The following LOC128462377 variants were observed in gnomAD, a reference collection of about 807,000 sequenced individuals.
the LOC128462377 span, among the ~76,000 whole-genome samples, chr16:89,404,886 G>A: frequency 6.6e-6 from 1 of 152,210 alleles, no homozygotes; most frequent in Non-Finnish European, 1.5e-5. Flanking sequence ...ACTCTTGCTT[G>A]GTTGATGTTC....
At chr16:89,344,735 G>A in the LOC128462377 span, among the ~76,000 whole-genome samples, 1 of 147,642 alleles carries the variant, frequency 6.8e-6, no homozygotes, top group Non-Finnish European at 1.5e-5. Context: ...ACGAGGGCAC[G>A]GGAGCACAGC....
chr16:89,366,980 G>A, the LOC128462377 span, among the ~76,000 whole-genome samples: 1 of 152,226 alleles, frequency 6.6e-6, no homozygotes, highest in Non-Finnish European at 1.5e-5. Flanking sequence ...TAGGTCCGCT[G>A]ATTGTGGTTT....
the LOC128462377 span, among the ~76,000 whole-genome samples, chr16:89,353,207 T>C: frequency 0.33 from 50,098 of 151,698 alleles, 10,626 homozygotes; most frequent in Middle Eastern, 0.54. Flanking sequence ...CCGTGCATGG[T>C]GGCAGACGCC....
chr16:89,415,269 T>C, the LOC128462377 span, among the ~76,000 whole-genome samples: 1 of 130,720 alleles, frequency 7.6e-6, no homozygotes, highest in Non-Finnish European at 1.6e-5. Flanking sequence ...TTCTTTTTTT[T>C]TTTTTTTTTT....
At chr16:89,342,503 G>A in the LOC128462377 span, among the ~76,000 whole-genome samples, 4 of 152,348 alleles carry the variant, frequency 2.6e-5, no homozygotes, top group African/African-American at 9.6e-5. Flanking sequence ...GCAGGGAGAG[G>A]CCAGCGTGAA....
the LOC128462377 span, among the ~76,000 whole-genome samples, chr16:89,317,735 A>G: frequency 6.6e-6 from 1 of 152,224 alleles, no homozygotes; most frequent in African/African-American, 2.4e-5. Context: ...ATCCGAGGAC[A>G]CATACTGTAT....
At chr16:89,324,335 G>A in the LOC128462377 span, 1 of 1,194,102 alleles carries the variant, frequency 8.4e-7, no homozygotes, top group East Asian at 5.7e-5. Flanking sequence ...GGGGCGACGT[G>A]GGTGCCTCAC....
At chr16:89,345,380 C>G in the LOC128462377 span, among the ~76,000 whole-genome samples, 1 of 152,120 alleles carries the variant, frequency 6.6e-6, no homozygotes, top group Non-Finnish European at 1.5e-5. Flanking sequence ...AGGCTCTGCC[C>G]TCGTGGGTGG....
chr16:89,360,517 T>C, the LOC128462377 span: 2 of 152,216 alleles, frequency 1.3e-5, no homozygotes, highest in East Asian at 3.8e-4. Flanking sequence ...AACCATGGAT[T>C]ATTGTTATGT....
chr16:89,358,155 C>A, the LOC128462377 span, among the ~76,000 whole-genome samples: 1 of 152,200 alleles, frequency 6.6e-6, no homozygotes, highest in Non-Finnish European at 1.5e-5. Context: ...CTGCACCCAC[C>A]CACGTGGCTT....
At chr16:89,409,980 C>CA in the LOC128462377 span, among the ~76,000 whole-genome samples, 1 of 152,246 alleles carries the variant, frequency 6.6e-6, no homozygotes, top group East Asian at 1.9e-4. Context: ...GCTGGGACTA[C>CA]AGGCGCCCGC....
chr16:89,388,706 C>A, the LOC128462377 span, among the ~76,000 whole-genome samples: 1 of 152,154 alleles, frequency 6.6e-6, no homozygotes, highest in Non-Finnish European at 1.5e-5. Flanking sequence ...AGGACGTCAT[C>A]CACACAAAGA....
the LOC128462377 span, among the ~76,000 whole-genome samples, chr16:89,366,632 G>C: frequency 2.0e-5 from 3 of 152,198 alleles, no homozygotes; most frequent in South Asian, 4.1e-4. Flanking sequence ...ATCTTGCCTT[G>C]GCTAACCCGA....
chr16:89,391,009 ACG>A, the LOC128462377 span, among the ~76,000 whole-genome samples: 12 of 152,248 alleles, frequency 7.9e-5, no homozygotes, highest in East Asian at 2.3e-3. Flanking sequence ...TGGGTGGATC[ACG>A]AGGTCAGGAG....
the LOC128462377 span, among the ~76,000 whole-genome samples, chr16:89,335,679 C>T: frequency 6.6e-6 from 1 of 152,180 alleles, no homozygotes; most frequent in East Asian, 1.9e-4. Context: ...TCAGCTGAGC[C>T]CTCAGGACAC....
At chr16:89,415,160 C>T in the LOC128462377 span, among the ~76,000 whole-genome samples, 1 of 151,610 alleles carries the variant, frequency 6.6e-6, no homozygotes, top group Non-Finnish European at 1.5e-5. Flanking sequence ...CGTCATGTTA[C>T]TCAGGCTGGT....
the LOC128462377 span, among the ~76,000 whole-genome samples, chr16:89,391,357 T>C: frequency 6.6e-6 from 1 of 152,100 alleles, no homozygotes; most frequent in Non-Finnish European, 1.5e-5. Context: ...GCTGGCAGTC[T>C]TGCGGGACTC....
At chr16:89,335,151 T>C in the LOC128462377 span, among the ~76,000 whole-genome samples, 2 of 152,196 alleles carry the variant, frequency 1.3e-5, no homozygotes, top group Non-Finnish European at 2.9e-5. Context: ...ATGTCCGGCC[T>C]GTGGGGGCAC....
At chr16:89,326,776 C>A in the LOC128462377 span, among the ~76,000 whole-genome samples, 1 of 152,156 alleles carries the variant, frequency 6.6e-6, no homozygotes, top group Admixed American at 6.5e-5. Flanking sequence ...AAAAACACAA[C>A]CGGGGCATGA....
Sources: gnomAD v4.1 joint callset for allele counts (sites outside exome capture counted in the v4.1 genomes callset) on GRCh38, gnomAD v4.1.1 for gene constraint, MANE v1.5 for transcripts.